CABCOCO1: variants seen among roughly 807,000 people sequenced by gnomAD.
The protein encoded by CABCOCO1 is ciliary-associated calcium-binding coiled-coil protein 1.
In CABCOCO1, 28 loss-of-function variants were observed where a neutral mutation model predicts 35.7. That is an observed-to-expected ratio of 0.78 (90% CI 0.58 to 1.07). The LOEUF (loss-of-function observed/expected upper bound fraction) is 1.07. CABCOCO1 is among the 50% of genes least tolerant of loss of function. The probability of loss-of-function intolerance (pLI) is 0.00; values close to 1 mark genes in which losing one functional copy is unlikely to be tolerated. For synonymous variants in CABCOCO1, 95 were observed against 100.1 expected, an observed-to-expected ratio of 0.95 and a Z score of 0.30; for missense variants, 326 against 309.2, an observed-to-expected ratio of 1.05 and a Z score of -0.41.
At chr10:61,707,407 G>C (rs917036074) in intron 5 of CABCOCO1, among the ~76,000 whole-genome samples, 1 of 152,056 alleles carries the variant, frequency 6.6e-6, no homozygotes, top group Non-Finnish European at 1.5e-5. Context: ...AGAAAAGAAA[G>C]GATTCTGATA....
At chr10:61,750,542 C>T (rs1485623153) in intron 5 of CABCOCO1, among the ~76,000 whole-genome samples, 16 of 152,170 alleles carry the variant, frequency 1.1e-4, no homozygotes, top group Non-Finnish European at 1.9e-4. Flanking sequence ...TGCCACTGGA[C>T]TCCAGCCTGG....
chr10:61,674,169 G>T (rs1428706003), intron 2 of CABCOCO1, among the ~76,000 whole-genome samples: 2 of 152,146 alleles, frequency 1.3e-5, no homozygotes, highest in Admixed American at 6.5e-5. Context: ...TGTAAATTGT[G>T]CTGTGTATCA....
intron 1 of CABCOCO1, among the ~76,000 whole-genome samples, chr10:61,667,566 G>A (rs936786168): frequency 2.0e-5 from 3 of 151,578 alleles, no homozygotes; most frequent in African/African-American, 4.8e-5. Flanking sequence ...ATCAAGTCTT[G>A]TTCTTGAAAT....
chr10:61,664,622 CAG>C (rs1205465546), intron 1 of CABCOCO1, among the ~76,000 whole-genome samples: 1 of 152,122 alleles, frequency 6.6e-6, no homozygotes, highest in African/African-American at 2.4e-5. Flanking sequence ...TAGTAACAAA[CAG>C]AAGAAATCAA....
intron 5 of CABCOCO1, among the ~76,000 whole-genome samples, chr10:61,698,314 G>A (rs1250302002): frequency 6.6e-6 from 1 of 152,072 alleles, no homozygotes; most frequent in Non-Finnish European, 1.5e-5. Flanking sequence ...TTTCACATAA[G>A]CCCCATTGCA....
chr10:61,708,915 A>G (rs969261984), intron 5 of CABCOCO1, among the ~76,000 whole-genome samples: 1 of 152,192 alleles, frequency 6.6e-6, no homozygotes, highest in Non-Finnish European at 1.5e-5. Flanking sequence ...ACACTGAAAT[A>G]AATGTTGTCC....
At chr10:61,757,340 A>C (rs61850524) in intron 5 of CABCOCO1, among the ~76,000 whole-genome samples, 2,713 of 152,144 alleles carry the variant, frequency 0.018, 49 homozygotes, top group Middle Eastern at 0.051. Context: ...ATTATTATTA[A>C]TGAAAAGACT....
chr10:61,717,468 T>A (rs1840895341), intron 5 of CABCOCO1, among the ~76,000 whole-genome samples: 1 of 152,058 alleles, frequency 6.6e-6, no homozygotes, highest in South Asian at 2.1e-4. Flanking sequence ...AATAATGACT[T>A]AGTTTTTAAA....
chr10:61,724,764 A>C (rs1205474693), intron 5 of CABCOCO1, among the ~76,000 whole-genome samples: 3 of 152,214 alleles, frequency 2.0e-5, no homozygotes, highest in African/African-American at 7.2e-5. Context: ...ACACATGTTA[A>C]AGGGTTAATA....
At chr10:61,718,572 T>C (rs1046036669) in intron 5 of CABCOCO1, among the ~76,000 whole-genome samples, 3 of 152,156 alleles carry the variant, frequency 2.0e-5, no homozygotes, top group Non-Finnish European at 2.9e-5. Context: ...TGCAGGTGTA[T>C]TTGTGTTTTA....
chr10:61,760,940 T>C lies in CABCOCO1; in HGVS notation c.753T>C (p.Phe251=), dbSNP rs1992625. 0.81 allele frequency: 1,306,522 copies of C among 1,612,384 alleles called. 530,838 individuals are homozygous for C. The highest frequency in any genetic ancestry group is 0.9 in the South Asian group (81,883 of 91,024). ...CAGACATGGATCCTTTAGTTGGTTTTACCATTGAAGATGTAAAATCAGTGC... is the reference window on the plus strand; with the variant it reads ...CAGACATGGATCCTTTAGTTGGTTTCACCATTGAAGATGTAAAATCAGTGC... ...DTSDMDPLVG[F]TIEDVKSVLD... Residue 251 remains phenylalanine (F), a synonymous_variant, in exon 7 of 8, where the codon TTT becomes TTC. Transcript: ENST00000648843.
intron 5 of CABCOCO1, among the ~76,000 whole-genome samples, chr10:61,741,610 A>G (rs887375227): frequency 1.3e-5 from 2 of 152,356 alleles, no homozygotes; most frequent in East Asian, 3.9e-4. Flanking sequence ...TTCCTAAACT[A>G]TTAATAATTT....
At chr10:61,679,307 A>ATATC (rs1564531601) in intron 2 of CABCOCO1, among the ~76,000 whole-genome samples, 7 of 126,330 alleles carry the variant, frequency 5.5e-5, no homozygotes, top group South Asian at 2.4e-4. Context: ...ATCTATATCT[A>ATATC]TATCTATATC....
At chr10:61,704,805 A>AT (rs34865303) in intron 5 of CABCOCO1, among the ~76,000 whole-genome samples, 19,995 of 134,932 alleles carry the variant, frequency 0.15, 1,398 homozygotes, top group Middle Eastern at 0.18. Context: ...TGCTTACTCC[A>AT]TTTTTTTTTT....
intron 5 of CABCOCO1, among the ~76,000 whole-genome samples, chr10:61,753,512 G>A (rs952360062): frequency 1.2e-4 from 18 of 152,088 alleles, no homozygotes; most frequent in African/African-American, 3.1e-4. Context: ...CAAGAGAGAC[G>A]TGTTGAAAGT....
rs73287776 is a variant in CABCOCO1, at chr10:61,688,688, T to G, written c.480-1861T>G. 5.6e-3 allele frequency among the ~76,000 whole-genome samples: 846 copies of G among 152,182 alleles called. 10 individuals are homozygous for G. Among genetic ancestry groups the G allele is most frequent in the African/African-American group, 0.018 (765 of 41,516 alleles). On this transcript the variant is annotated intron_variant, in intron 4 of 7. Coordinates refer to ENST00000648843, the MANE Select transcript of CABCOCO1 (RefSeq NM_001366906.2). ...GAGGCATATACCCAAAATAAGAAAA[T>G]CAACCCTGCCGCTCTGTAAACCACA... is the stretch of plus-strand genomic sequence containing the variant.
chr10:61,734,517 GA>G (rs35877643), intron 5 of CABCOCO1, among the ~76,000 whole-genome samples: 65,250 of 148,800 alleles, frequency 0.44, 15,815 homozygotes, highest in Non-Finnish European at 0.55. Flanking sequence ...TAGGAAGGGG[GA>G]AAAAAAAAAC....
chr10:61,736,960 G>A (rs1427984608), intron 5 of CABCOCO1, among the ~76,000 whole-genome samples: 2 of 152,016 alleles, frequency 1.3e-5, no homozygotes, highest in African/African-American at 4.8e-5. Context: ...CTGCTGATGT[G>A]TAGGAATACT....
At chr10:61,748,732 C>CA (rs529768791) in intron 5 of CABCOCO1, among the ~76,000 whole-genome samples, 1 of 152,196 alleles carries the variant, frequency 6.6e-6, no homozygotes, top group African/African-American at 2.4e-5. Context: ...GTTTCCCACT[C>CA]AAAAAAATAA....
Sources: gnomAD v4.1 joint callset for allele counts (sites outside exome capture counted in the v4.1 genomes callset) on GRCh38, gnomAD v4.1.1 for gene constraint, MANE v1.5 for transcripts, NCBI Gene and HGNC (gene_info 2026-07-23, HGNC 2026-07-21) for gene names.